The following FSHR variants were observed in gnomAD, a reference collection of about 807,000 sequenced individuals.
FSHR encodes follicle stimulating hormone receptor, also known as follicle-stimulating hormone receptor.
In FSHR, 46 loss-of-function variants were observed where a neutral mutation model predicts 52.1. The observed-to-expected ratio is 0.88, with a 90% confidence interval of 0.70 to 1.13. The LOEUF (loss-of-function observed/expected upper bound fraction) is 1.13. Ranked by LOEUF, FSHR falls within the 50% of genes most tolerant of loss-of-function variation. FSHR has a pLI of 0.00. For missense variants in FSHR, 964 were observed against 834.6 expected (o/e 1.16, Z -1.91); for synonymous variants, 399 against 309.6 (o/e 1.29, Z -3.03).
chr2:49,098,689 TGTATGTGTAC>T lies in FSHR; in HGVS notation c.153-30409_153-30400del, dbSNP rs1170237293. On this transcript the variant is annotated intron_variant, in intron 1 of 9. Transcript: ENST00000406846. ...AAAGGGAATAATGTGTGTATGTGTG[TGTATGTGTAC>T]ATATATCTATATATATTATCCATAT... Among the ~76,000 whole-genome samples, 7 of 149,528 alleles carry T rather than the reference TGTATGTGTAC, an allele frequency of 4.7e-5. No homozygotes were observed. In the East Asian group the frequency reaches 1.4e-3, roughly 29 times the overall value.
chr2:49,097,677 T>C (rs1670876536), intron 1 of FSHR, among the ~76,000 whole-genome samples: 2 of 152,326 alleles, frequency 1.3e-5, no homozygotes, highest in East Asian at 3.9e-4. Flanking sequence ...AAAAAAGTTC[T>C]GAGGCAGATC....
At chr2:49,086,559 G>T (rs141653531) in intron 1 of FSHR, among the ~76,000 whole-genome samples, 1 of 152,136 alleles carries the variant, frequency 6.6e-6, no homozygotes, top group Non-Finnish European at 1.5e-5. Context: ...AATCACCTGC[G>T]GAAGATTTTT....
rs149800276 is a variant in FSHR at position 49,058,686 on chromosome 2, G to T, written c.224+9533C>A. ...AACTACCTGAAAAAAAAATAAAGAA[G>T]CCCATTCCATTTACAAAAACTACAA... On this transcript the variant is annotated intron_variant, in intron 2 of 9. Transcript: ENST00000406846. Among the ~76,000 whole-genome samples the T allele has an allele frequency of 2.4e-3, 363 of 151,650 alleles. 2 individuals are homozygous for T. The highest frequency in any genetic ancestry group is 8.1e-3 in the African/African-American group (336 of 41,318).
Position 48,988,992 on chromosome 2 carries a change from A to C in FSHR, c.509T>G (p.Phe170Cys), listed in dbSNP as rs1185075839. The change falls in exon 6 of 10, where the codon TTT becomes TGT. Residue 170 changes from phenylalanine (F) to cysteine (C), a missense_variant. By Grantham distance (205) the Phe-to-Cys change is radical (BLOSUM62 -2). Coordinates refer to ENST00000406846, the MANE Select transcript of FSHR (RefSeq NM_000145.4). ...CCTTACTTACAGAATCACACTTTCA[A>C]AGCTCAGCCCCACGAAAGAATTTCT... is the stretch of plus-strand genomic sequence containing the variant. ...IERNSFVGLSFESVILWLNKN... is the reference protein window; with the variant it reads ...IERNSFVGLSCESVILWLNKN... 5.6e-6 allele frequency: 9 copies of C among 1,613,772 alleles called. No homozygotes were observed. In the South Asian group the frequency reaches 9.9e-5, roughly 18 times the overall value.
At chr2:49,047,460 C>A (rs1668703282) in intron 2 of FSHR, among the ~76,000 whole-genome samples, 1 of 152,204 alleles carries the variant, frequency 6.6e-6, no homozygotes, top group Non-Finnish European at 1.5e-5. Flanking sequence ...GTGCTTACAG[C>A]ACGATCACCC....
intron 4 of FSHR, among the ~76,000 whole-genome samples, chr2:49,010,706 T>G (rs1667238160): frequency 6.6e-6 from 1 of 151,918 alleles, no homozygotes; most frequent in Non-Finnish European, 1.5e-5. Context: ...CAATTTCAGA[T>G]CCTGTTATTG....
At chr2:49,054,430 C>T (rs11125199) in intron 2 of FSHR, among the ~76,000 whole-genome samples, 52,217 of 151,918 alleles carry the variant, frequency 0.34, 9,621 homozygotes, top group East Asian at 0.49. Flanking sequence ...AGTAGGCCAT[C>T]CAACCATGTC....
chr2:48,997,293 A>T (rs756880695), intron 4 of FSHR: 22 of 984,966 alleles, frequency 2.2e-5, no homozygotes, highest in Non-Finnish European at 2.7e-5. Flanking sequence ...AACTAGAAGT[A>T]TTTAACTCTC....
At chr2:49,025,597 A>T (rs1667888733) in intron 2 of FSHR, among the ~76,000 whole-genome samples, 1 of 152,158 alleles carries the variant, frequency 6.6e-6, no homozygotes, top group African/African-American at 2.4e-5. Context: ...TTCCCATGAA[A>T]ATATGTTCCA....
At chr2:49,115,653 A>G (rs533387055) in intron 1 of FSHR, among the ~76,000 whole-genome samples, 2 of 152,224 alleles carry the variant, frequency 1.3e-5, no homozygotes, top group East Asian at 1.9e-4. Flanking sequence ...ATCATGCTCT[A>G]TTGTATCATG....
intron 1 of FSHR, among the ~76,000 whole-genome samples, chr2:49,147,869 T>C (rs2103854387): frequency 6.6e-6 from 1 of 152,060 alleles, no homozygotes; most frequent in African/African-American, 2.4e-5. Context: ...TATGTATATA[T>C]TAGTGTGAAC....
At chr2:49,136,637 G>A (rs1336964738) in intron 1 of FSHR, among the ~76,000 whole-genome samples, 1 of 151,908 alleles carries the variant, frequency 6.6e-6, no homozygotes, top group Non-Finnish European at 1.5e-5. Flanking sequence ...ACTGAATCTA[G>A]CAACATATAA....
intron 1 of FSHR, among the ~76,000 whole-genome samples, chr2:49,073,317 C>A (rs1669819482): frequency 1.3e-5 from 2 of 152,076 alleles, no homozygotes; most frequent in Admixed American, 1.3e-4. Context: ...AACCTAAAGA[C>A]TCTACCAACA....
In FSHR at chr2:49,041,317, T is replaced by G. The variant is rs116179189; in HGVS notation, c.225-21157A>C. On this transcript the variant is annotated intron_variant, in intron 2 of 9. Coordinates refer to ENST00000406846, the MANE Select transcript of FSHR (RefSeq NM_000145.4). ...ACTCACTCAGTGTAAAATGTTTACATGCTACAATGAACACGCCTTTGCTGT... is the reference window on the plus strand; with the variant it reads ...ACTCACTCAGTGTAAAATGTTTACAGGCTACAATGAACACGCCTTTGCTGT... Among the ~76,000 whole-genome samples the G allele has an allele frequency of 9.3e-3, 1,411 of 152,300 alleles. 11 individuals are homozygous for G. Among genetic ancestry groups the G allele is most frequent in the Non-Finnish European group, 0.014 (960 of 68,028 alleles).
intron 1 of FSHR, among the ~76,000 whole-genome samples, chr2:49,090,824 A>G (rs1322100056): frequency 6.6e-6 from 1 of 152,090 alleles, no homozygotes; most frequent in Non-Finnish European, 1.5e-5. Context: ...AAGTTTTATC[A>G]CACTGTGGTT....
chr2:48,997,498 G>A lies in FSHR; in HGVS notation c.375-6861C>T, dbSNP rs533460840. Among the ~76,000 whole-genome samples the A allele has an allele frequency of 3.0e-4, 45 of 151,756 alleles. No individual in the cohort carries two copies. In the South Asian group the frequency reaches 9.4e-3, roughly 32 times the overall value. On this transcript the variant is annotated intron_variant, in intron 4 of 9. Transcript: ENST00000406846. ...GTTTTTGAGCAGGGCATGTAGCATA[G>A]CTTCAAAGGTAAGAGCTCTGGTGCC...
At chr2:49,111,573 G>C (rs1175588288) in intron 1 of FSHR, among the ~76,000 whole-genome samples, 1 of 152,100 alleles carries the variant, frequency 6.6e-6, no homozygotes, top group Non-Finnish European at 1.5e-5. Flanking sequence ...TACTTTTCCT[G>C]GTGGCTTTTG....
intron 1 of FSHR, among the ~76,000 whole-genome samples, chr2:49,139,335 T>G (rs995207764): frequency 2.6e-5 from 4 of 152,172 alleles, no homozygotes; most frequent in Admixed American, 6.5e-5. Flanking sequence ...TTTTACTAAA[T>G]GAGAGTTTCC....
At chr2:49,079,484 A>G (rs1215784813) in intron 1 of FSHR, among the ~76,000 whole-genome samples, 1 of 152,188 alleles carries the variant, frequency 6.6e-6, no homozygotes, top group Non-Finnish European at 1.5e-5. Context: ...TTGGCATACC[A>G]GGAAATATGA....
Sources: allele counts gnomAD v4.1 joint callset (sites outside exome capture counted in the v4.1 genomes callset), GRCh38; gene constraint gnomAD v4.1.1; transcripts MANE v1.5; gene names NCBI Gene and HGNC (gene_info 2026-07-23, HGNC 2026-07-21).